Variants in GPC6 observed in about 807,000 individuals in gnomAD.
The protein encoded by GPC6 is glypican-6.
In GPC6, 14 loss-of-function variants were observed where a neutral mutation model predicts 55.2. That is an observed-to-expected ratio of 0.25 (90% CI 0.17 to 0.40). The LOEUF is 0.40. Among genes scored for constraint, GPC6 ranks in the 10% least tolerant of loss-of-function variants. The probability of loss-of-function intolerance (pLI) is 1.00; values close to 1 mark genes in which losing one functional copy is unlikely to be tolerated. For missense variants in GPC6, 641 were observed against 708.5 expected (o/e 0.90, Z 1.08); for synonymous variants, 278 against 259.6 (o/e 1.07, Z -0.68).
At chr13:94,390,576 A>G (rs1477566499) in intron 7 of GPC6, among the ~76,000 whole-genome samples, 1 of 152,124 alleles carries the variant, frequency 6.6e-6, no homozygotes, top group African/African-American at 2.4e-5. Context: ...CACAATTTTA[A>G]ACAACCAGCT....
intron 2 of GPC6, among the ~76,000 whole-genome samples, chr13:93,697,972 G>A (rs1361689517): frequency 6.6e-6 from 1 of 152,144 alleles, no homozygotes; most frequent in Non-Finnish European, 1.5e-5. Flanking sequence ...AATGAAGTGA[G>A]TGTGGCCTTC....
At chr13:93,608,749 G>A (rs1204620736) in intron 2 of GPC6, among the ~76,000 whole-genome samples, 1 of 152,208 alleles carries the variant, frequency 6.6e-6, no homozygotes, top group Non-Finnish European at 1.5e-5. Context: ...GGAGAGGATG[G>A]AGGTGGTGTG....
intron 1 of GPC6, among the ~76,000 whole-genome samples, chr13:93,354,349 AT>A (rs11454186): frequency 1.2e-3 from 143 of 115,774 alleles, no homozygotes; most frequent in African/African-American, 4.1e-3. Flanking sequence ...CCGTTGGTAG[AT>A]TTTTTTTTTT....
intron 1 of GPC6, among the ~76,000 whole-genome samples, chr13:93,539,960 G>A (rs1229640513): frequency 1.3e-5 from 2 of 152,064 alleles, no homozygotes; most frequent in East Asian, 1.9e-4. Context: ...CAAAGTGCTG[G>A]GATTACAGGC....
chr13:93,331,838 T>G (rs1265770201), intron 1 of GPC6, among the ~76,000 whole-genome samples: 1 of 152,092 alleles, frequency 6.6e-6, no homozygotes, highest in East Asian at 1.9e-4. Context: ...TTGTACCTAT[T>G]AGCCAACCTT....
rs74930516 is a variant in GPC6 at position 93,896,609 on chromosome 13, G to A, written c.711+66064G>A. Among the ~76,000 whole-genome samples the A allele has an allele frequency of 2.7e-3, 406 of 152,152 alleles. 2 individuals carry two copies. The highest frequency in any genetic ancestry group is 3.8e-3 in the Non-Finnish European group (260 of 67,924). On this transcript the variant is annotated intron_variant, in intron 3 of 8. Coordinates refer to ENST00000377047, the MANE Select transcript of GPC6 (RefSeq NM_005708.5). Reference sequence around the variant, plus strand: ...TGTTATATTTCAGAAGCAGGATAACGATTACCTATACACAAAATTATCATT... The same window carrying A: ...TGTTATATTTCAGAAGCAGGATAACAATTACCTATACACAAAATTATCATT...
intron 1 of GPC6, among the ~76,000 whole-genome samples, chr13:93,251,891 A>T (rs1876797184): frequency 6.6e-6 from 1 of 152,212 alleles, no homozygotes; most frequent in Admixed American, 6.5e-5. Flanking sequence ...AATCTTTAAA[A>T]ACATTTACTT....
chr13:93,738,592 G>A (rs1482929254), intron 2 of GPC6, among the ~76,000 whole-genome samples: 2 of 152,036 alleles, frequency 1.3e-5, no homozygotes, highest in South Asian at 2.1e-4. Flanking sequence ...TAATCCTCAT[G>A]GTTAACATTA....
chr13:94,082,844 A>G (rs1332426680), intron 4 of GPC6, among the ~76,000 whole-genome samples: 1 of 152,232 alleles, frequency 6.6e-6, no homozygotes, highest in Non-Finnish European at 1.5e-5. Context: ...AGTCACGGAC[A>G]TGCAGTTTAT....
At chr13:93,605,663 C>G (rs1313746478) in intron 2 of GPC6, among the ~76,000 whole-genome samples, 1 of 150,514 alleles carries the variant, frequency 6.6e-6, no homozygotes, top group Non-Finnish European at 1.5e-5. Flanking sequence ...ATGGTGAAAT[C>G]CTGTCTCTAC....
At chr13:93,757,223 T>C (rs1884802975) in intron 2 of GPC6, among the ~76,000 whole-genome samples, 1 of 152,162 alleles carries the variant, frequency 6.6e-6, no homozygotes. Flanking sequence ...AAGCAGTGAT[T>C]GTCTGAAACC....
chr13:94,162,907 T>G (rs1888218477), intron 4 of GPC6, among the ~76,000 whole-genome samples: 1 of 152,136 alleles, frequency 6.6e-6, no homozygotes, highest in African/African-American at 2.4e-5. Flanking sequence ...ACATGGACAA[T>G]AAGGGTTACA....
chr13:94,270,964 A>ATTTTTTTTT lies in GPC6; in HGVS notation c.878-15352_878-15344dup, dbSNP rs764819082. 8.1e-5 allele frequency among the ~76,000 whole-genome samples: 4 copies of ATTTTTTTTT among 49,672 alleles called. 1 individual carries two copies. 32.6% of individuals were successfully genotyped at this position (49,672 alleles called of 152,430 possible). A position where few individuals can be genotyped will look rare whatever the true frequency, so the allele number is the denominator to read the frequency against. Reference sequence around the variant, plus strand: ...AAAGGACCAGAGACAGAGAAGTATAATTTTTTTTTTTTTTTTTTTTTTTTT... The same window carrying ATTTTTTTTT: ...AAAGGACCAGAGACAGAGAAGTATAATTTTTTTTTTTTTTTTTTTTTTTTTTTTTTTTTT... On this transcript the variant is annotated intron_variant, in intron 4 of 8. Coordinates refer to ENST00000377047, the MANE Select transcript of GPC6 (RefSeq NM_005708.5).
At chr13:94,274,947 G>C (rs1892157389) in intron 4 of GPC6, among the ~76,000 whole-genome samples, 1 of 152,126 alleles carries the variant, frequency 6.6e-6, no homozygotes, top group Non-Finnish European at 1.5e-5. Context: ...TTATCCTGTA[G>C]ACCAGTGCTA....
intron 4 of GPC6, among the ~76,000 whole-genome samples, chr13:94,129,413 C>G (rs1265452836): frequency 2.6e-5 from 4 of 152,062 alleles, no homozygotes. Context: ...AGACCTGTCC[C>G]AAGCAGGAGA....
intron 6 of GPC6, among the ~76,000 whole-genome samples, chr13:94,341,360 G>A (rs535505086): frequency 2.6e-5 from 4 of 152,188 alleles, no homozygotes; most frequent in East Asian, 1.9e-4. Context: ...CAAAGCAGGC[G>A]GATCACTTGA....
At chr13:93,476,720 C>T (rs1879314276) in intron 1 of GPC6, among the ~76,000 whole-genome samples, 1 of 152,066 alleles carries the variant, frequency 6.6e-6, no homozygotes, top group Non-Finnish European at 1.5e-5. Flanking sequence ...GCATTTTCTG[C>T]CCTTAGAACT....
Position 93,903,269 on chromosome 13 carries a change from C to T in GPC6, c.711+72724C>T, listed in dbSNP as rs920936095. ...TAGCCCTTTGACTGTTCTTTTTCAA[C>T]GGCCTGAACAGGTTCCATTTTCTTT... On this transcript the variant is annotated intron_variant, in intron 3 of 8. Coordinates refer to ENST00000377047, the MANE Select transcript of GPC6 (RefSeq NM_005708.5). 4.6e-5 allele frequency among the ~76,000 whole-genome samples: 7 copies of T among 152,292 alleles called. 1 individual carries two copies. Among genetic ancestry groups the T allele is most frequent in the Admixed American group, 2.6e-4 (4 of 15,290 alleles).
intron 2 of GPC6, among the ~76,000 whole-genome samples, chr13:93,803,329 A>T (rs767814011): frequency 1.3e-5 from 2 of 152,184 alleles, no homozygotes; most frequent in African/African-American, 2.4e-5. Flanking sequence ...AGAAATAGGG[A>T]ATATGAAATA....
Sources: gnomAD v4.1 joint callset for allele counts (sites outside exome capture counted in the v4.1 genomes callset) on GRCh38, gnomAD v4.1.1 for gene constraint, MANE v1.5 for transcripts, NCBI Gene and HGNC (gene_info 2026-07-23, HGNC 2026-07-21) for gene names.